TMC1: variants seen among roughly 807,000 people sequenced by gnomAD.
TMC1 encodes the protein transmembrane channel like 1.
In TMC1, 84 loss-of-function variants were observed where a neutral mutation model predicts 105.8. The ratio of observed to expected loss-of-function variants is 0.79; its 90% confidence interval spans 0.67 to 0.95. The LOEUF (loss-of-function observed/expected upper bound fraction) is 0.95. TMC1 is among the 40% of genes least tolerant of loss of function. The pLI is 0.00. For missense variants in TMC1, 817 were observed against 914.1 expected, an observed-to-expected ratio of 0.89 and a Z score of 1.37; for synonymous variants, 315 against 311.5, an observed-to-expected ratio of 1.01 and a Z score of -0.12.
Position 72,528,928 on chromosome 9 carries a change from A to G in TMC1, c.-428+7015A>G, listed in dbSNP as rs117605318. 5.1e-3 allele frequency among the ~76,000 whole-genome samples: 773 copies of G among 152,286 alleles called. 4 individuals are homozygous for G. The highest frequency in any genetic ancestry group is 6.2e-3 in the Non-Finnish European group (420 of 68,026). On this transcript the variant is annotated intron_variant, in intron 1 of 23. Transcript: ENST00000297784. ...ATGGGTCAAAATTATTTGGAAAAAA[A>G]AATGTGTCTGTATTGAACATGTATA... is the stretch of plus-strand genomic sequence containing the variant.
intron 1 of TMC1, among the ~76,000 whole-genome samples, chr9:72,563,899 CAAAAAAAAA>C (rs71357586): frequency 1.9e-5 from 1 of 52,160 alleles, no homozygotes; most frequent in African/African-American, 8.0e-5. Context: ...AACTCTGGCT[CAAAAAAAAA>C]AAAAAAAAAA....
intron 5 of TMC1, among the ~76,000 whole-genome samples, chr9:72,665,499 T>C (rs905063677): frequency 6.6e-6 from 1 of 152,170 alleles, no homozygotes; most frequent in African/African-American, 2.4e-5. Flanking sequence ...CTACAGAAAG[T>C]GGTACAAAGA....
intron 13 of TMC1, among the ~76,000 whole-genome samples, chr9:72,776,900 G>A (rs1324975284): frequency 6.6e-6 from 1 of 151,836 alleles, no homozygotes; most frequent in African/African-American, 2.4e-5. Flanking sequence ...CTCGTCCTGG[G>A]TAGCCTTTTT....
intron 8 of TMC1, among the ~76,000 whole-genome samples, chr9:72,725,853 G>A (rs1206457792): frequency 2.0e-5 from 3 of 151,994 alleles, no homozygotes; most frequent in African/African-American, 7.2e-5. Flanking sequence ...ACCATGCCCG[G>A]CTAATTTTTT....
intron 18 of TMC1, among the ~76,000 whole-genome samples, chr9:72,811,763 T>C (rs1480407079): frequency 6.6e-6 from 1 of 152,142 alleles, no homozygotes; most frequent in African/African-American, 2.4e-5. Flanking sequence ...TGATGAAGGA[T>C]GCTCAGGATT....
chr9:72,604,813 G>A (rs1824881139), intron 2 of TMC1, among the ~76,000 whole-genome samples: 1 of 152,346 alleles, frequency 6.6e-6, no homozygotes, highest in African/African-American at 2.4e-5. Flanking sequence ...ACAATAAGTA[G>A]TGACAAGGTG....
At chr9:72,648,050 T>A (rs773115492) in intron 4 of TMC1, among the ~76,000 whole-genome samples, 18 of 152,204 alleles carry the variant, frequency 1.2e-4, no homozygotes, top group Admixed American at 3.9e-4. Context: ...AAGTTTTACT[T>A]TCAGAAAAGT....
intron 17 of TMC1, among the ~76,000 whole-genome samples, chr9:72,803,213 C>T (rs368052521): frequency 2.6e-5 from 4 of 152,146 alleles, no homozygotes; most frequent in African/African-American, 9.7e-5. Context: ...CGTCTATACA[C>T]CTTATACAAA....
At chr9:72,692,591 C>T (rs1826484181) in intron 6 of TMC1, among the ~76,000 whole-genome samples, 1 of 152,094 alleles carries the variant, frequency 6.6e-6, no homozygotes, top group Non-Finnish European at 1.5e-5. Flanking sequence ...ATTCAGAGTA[C>T]CAAGTAGCTG....
intron 12 of TMC1, among the ~76,000 whole-genome samples, chr9:72,762,298 A>G (rs1028792039): frequency 6.6e-6 from 1 of 152,174 alleles, no homozygotes; most frequent in Non-Finnish European, 1.5e-5. Flanking sequence ...TGTGACCTCA[A>G]TGTGAAAACA....
intron 12 of TMC1, among the ~76,000 whole-genome samples, chr9:72,767,332 A>G (rs535875015): frequency 5.3e-5 from 8 of 152,356 alleles, no homozygotes; most frequent in East Asian, 1.9e-4. Flanking sequence ...AAGAAATTCA[A>G]TGATCATCCT....
intron 23 of TMC1, among the ~76,000 whole-genome samples, chr9:72,833,904 T>G (rs552374255): frequency 6.6e-6 from 1 of 152,166 alleles, no homozygotes; most frequent in Non-Finnish European, 1.5e-5. Flanking sequence ...ATGTTCAGAA[T>G]TTCATGATGG....
chr9:72,835,934 T>TG lies in TMC1; in HGVS notation c.2261-17_2261-16insG, dbSNP rs60727138. On this transcript the variant is annotated splice_polypyrimidine_tract_variant and intron_variant, in intron 23 of 23. Coordinates refer to ENST00000297784, the MANE Select transcript of TMC1 (RefSeq NM_138691.3). ...CTCCTTGTTTTTTTTTTTTTTTTTTTTCTGTTTTGTGAACAGCTGCAGCTG... is the reference window on the plus strand; with the variant it reads ...CTCCTTGTTTTTTTTTTTTTTTTTTTGTCTGTTTTGTGAACAGCTGCAGCTG... 1.9e-6 allele frequency: 3 copies of TG among 1,565,860 alleles called. No individual in the cohort carries two copies. Among genetic ancestry groups the TG allele is most frequent in the East Asian group, 2.2e-5 (1 of 44,532 alleles).
chr9:72,830,994 A>G (rs928883669), intron 23 of TMC1, among the ~76,000 whole-genome samples: 1 of 152,148 alleles, frequency 6.6e-6, no homozygotes, highest in Non-Finnish European at 1.5e-5. Flanking sequence ...TCGTCTACAA[A>G]CAGCAGATAC....
intron 5 of TMC1, among the ~76,000 whole-genome samples, chr9:72,668,610 C>T (rs1826080351): frequency 6.6e-6 from 1 of 152,304 alleles, no homozygotes; most frequent in African/African-American, 2.4e-5. Flanking sequence ...GCCATCACTT[C>T]TCTCTAAACT....
At chr9:72,762,923 A>G (rs1183537939) in intron 12 of TMC1, among the ~76,000 whole-genome samples, 2 of 152,126 alleles carry the variant, frequency 1.3e-5, no homozygotes, top group Admixed American at 6.5e-5. Flanking sequence ...TAGGTCCTAG[A>G]TCACTTCTTT....
At chr9:72,818,792 A>T (rs1193230237) in intron 19 of TMC1, 1 of 152,200 alleles carries the variant, frequency 6.6e-6, no homozygotes, top group Admixed American at 6.5e-5. Flanking sequence ...TGCATGAGTA[A>T]AGATAGGATG....
At chr9:72,735,560 A>G (rs1313675058) in intron 8 of TMC1, among the ~76,000 whole-genome samples, 1 of 152,168 alleles carries the variant, frequency 6.6e-6, no homozygotes, top group Non-Finnish European at 1.5e-5. Flanking sequence ...TTGTTTTTGT[A>G]TCTTCTTTCT....
chr9:72,730,382 C>T (rs1303554739), intron 8 of TMC1, among the ~76,000 whole-genome samples: 1 of 152,144 alleles, frequency 6.6e-6, no homozygotes, highest in African/African-American at 2.4e-5. Flanking sequence ...GATGCTGCTA[C>T]TGAGGCCTTC....
Sources: gnomAD v4.1 joint callset for allele counts (sites outside exome capture counted in the v4.1 genomes callset) on GRCh38, gnomAD v4.1.1 for gene constraint, MANE v1.5 for transcripts, NCBI Gene and HGNC (gene_info 2026-07-23, HGNC 2026-07-21) for gene names.